Variants in PCDHA4 observed in about 807,000 individuals in gnomAD.
PCDHA4 encodes the protein protocadherin alpha-4.
A neutral mutation model predicts 61.4 loss-of-function variants in PCDHA4; 49 were observed. The observed-to-expected ratio is 0.80, with a 90% CI of 0.63 to 1.01. The LOEUF (loss-of-function observed/expected upper bound fraction) is 1.01. Ranked by LOEUF, PCDHA4 falls within the 50% of genes least tolerant of loss-of-function variation. The probability of loss-of-function intolerance (pLI) is 0.00; values close to 1 mark genes in which losing one functional copy is unlikely to be tolerated. For missense variants in PCDHA4, 1,254 were observed against 1,235.8 expected (o/e 1.01, Z -0.22); for synonymous variants, 590 against 550.3 (o/e 1.07, Z -1.01).
intron 1 of PCDHA4, among the ~76,000 whole-genome samples, chr5:140,906,179 C>G (rs2072430767): frequency 1.3e-5 from 2 of 152,172 alleles, no homozygotes; most frequent in African/African-American, 4.8e-5. Flanking sequence ...TACTTTGCAT[C>G]CTTCAATCCA....
rs2150373759 is a variant in PCDHA4 at position 140,844,778 on chromosome 5, T to C, written c.2385+35206T>C. On this transcript the variant is annotated intron_variant, in intron 1 of 3. Coordinates refer to ENST00000530339, the MANE Select transcript of PCDHA4 (RefSeq NM_018907.4). ...TTTGAAAAATCCAAGATACTTTATT[T>C]TGGTATCTTTCAACATTTTCTTTCT... Among the ~76,000 whole-genome samples the C allele has an allele frequency of 4.0e-5, 6 of 149,392 alleles. 1 individual carries two copies. Among genetic ancestry groups the C allele is most frequent in the African/African-American group, 1.5e-4 (6 of 40,816 alleles).
chr5:140,827,105 A>G (rs2150146400), intron 1 of PCDHA4, among the ~76,000 whole-genome samples: 7 of 152,210 alleles, frequency 4.6e-5, no homozygotes, highest in Non-Finnish European at 1.0e-4. Flanking sequence ...GTCAGCATGT[A>G]TAGGTGAAAG....
intron 3 of PCDHA4, among the ~76,000 whole-genome samples, chr5:140,997,083 A>C (rs1267571178): frequency 2.6e-5 from 4 of 152,174 alleles, no homozygotes; most frequent in Non-Finnish European, 5.9e-5. Flanking sequence ...AGTTGAGTAG[A>C]AAGTGCAGAG....
chr5:140,925,027 C>A (rs1238112043), intron 1 of PCDHA4, among the ~76,000 whole-genome samples: 1 of 151,680 alleles, frequency 6.6e-6, no homozygotes, highest in Non-Finnish European at 1.5e-5. Flanking sequence ...GGGAGGATCG[C>A]TTGAGCCCAG....
chr5:140,829,407 C>G (rs1357066039), intron 1 of PCDHA4: 1 of 1,614,022 alleles, frequency 6.2e-7, no homozygotes, highest in Non-Finnish European at 8.5e-7. Flanking sequence ...TGGGCCACCG[C>G]CAGCTTGTCT....
intron 1 of PCDHA4, chr5:140,849,822 G>A: frequency 6.3e-7 from 1 of 1,598,624 alleles, no homozygotes; most frequent in East Asian, 2.2e-5. Context: ...CAGGGTGTCT[G>A]TGGAGGTGGC....
At chr5:140,876,368 CA>C in intron 1 of PCDHA4, 1 of 1,613,904 alleles carries the variant, frequency 6.2e-7, no homozygotes. Flanking sequence ...AATCCAGACA[CA>C]GGTGAAATTA....
chr5:140,835,695 A>C (rs2150242144), intron 1 of PCDHA4: 1 of 1,613,830 alleles, frequency 6.2e-7, no homozygotes. Flanking sequence ...TCTGTGGGCC[A>C]CTGCTAGCGT....
At chr5:140,925,190 A>G (rs2082378036) in intron 1 of PCDHA4, among the ~76,000 whole-genome samples, 1 of 152,192 alleles carries the variant, frequency 6.6e-6, no homozygotes, top group Non-Finnish European at 1.5e-5. Context: ...ACCATCACCC[A>G]GCTTCAATAA....
chr5:140,952,546 C>T (rs1449369285), intron 1 of PCDHA4, among the ~76,000 whole-genome samples: 1 of 152,108 alleles, frequency 6.6e-6, no homozygotes, highest in African/African-American at 2.4e-5. Flanking sequence ...CTTCTTTGTC[C>T]ATTTCACTAT....
At chr5:140,904,547 T>C (rs1313461939) in intron 1 of PCDHA4, among the ~76,000 whole-genome samples, 1 of 152,116 alleles carries the variant, frequency 6.6e-6, no homozygotes, top group African/African-American at 2.4e-5. Flanking sequence ...ATCTTTTTCA[T>C]ATAATGACTT....
rs114918834 is a variant in PCDHA4, at chr5:140,920,894, T to C, written c.2386-58055T>C. 7.8e-3 allele frequency among the ~76,000 whole-genome samples: 1,179 copies of C among 151,482 alleles called. 6 individuals carry two copies. The highest frequency in any genetic ancestry group is 0.019 in the African/African-American group (771 of 41,278). Reference sequence around the variant, plus strand: ...GTGGCCCTTAGAACTTAAAGTCATATTTTGGTTCTCAAATCAGTTCCAAGA... The same window carrying C: ...GTGGCCCTTAGAACTTAAAGTCATACTTTGGTTCTCAAATCAGTTCCAAGA... On this transcript the variant is annotated intron_variant, in intron 1 of 3. Coordinates refer to ENST00000530339, the MANE Select transcript of PCDHA4 (RefSeq NM_018907.4).
At chr5:140,947,371 A>G (rs1468768080) in intron 1 of PCDHA4, among the ~76,000 whole-genome samples, 1 of 151,626 alleles carries the variant, frequency 6.6e-6, no homozygotes, top group Non-Finnish European at 1.5e-5. Context: ...CCTTTGATCT[A>G]TATGTTTATC....
rs548391443 is a variant in PCDHA4, at chr5:140,892,979, C to T, written c.2385+83407C>T. Among the ~76,000 whole-genome samples, 6 of 152,224 alleles carry T rather than the reference C, an allele frequency of 3.9e-5. No individual in the cohort carries two copies. The South Asian group carries it at 1.2e-3, about 32-fold the overall frequency. On this transcript the variant is annotated intron_variant, in intron 1 of 3. Transcript: ENST00000530339. ...GAGCTCAATAAAATTTTGTAGCTGC[C>T]GTATAAGTGAGAACATGTATTTATT...
Position 140,853,567 on chromosome 5 carries a change from T to C in PCDHA4, c.2385+43995T>C. 2 of 981,210 alleles carry C rather than the reference T, an allele frequency of 2.0e-6. 1 individual carries two copies. The highest frequency in any genetic ancestry group is 3.5e-5 in the African/African-American group (2 of 56,602). The allele number at this position is 981,210 out of a possible 1,614,324, so 60.8% of individuals were successfully genotyped here. A position where few individuals can be genotyped will look rare whatever the true frequency, so the allele number is the denominator to read the frequency against. On this transcript the variant is annotated intron_variant, in intron 1 of 3. Transcript: ENST00000530339. ...TAATTACTATATAGGAAAAACTAAGTTGTCACCCAATATCTTAGACACTTT... is the reference window on the plus strand; with the variant it reads ...TAATTACTATATAGGAAAAACTAAGCTGTCACCCAATATCTTAGACACTTT...
chr5:140,819,603 G>T (rs779566497), intron 1 of PCDHA4, among the ~76,000 whole-genome samples: 1 of 152,060 alleles, frequency 6.6e-6, no homozygotes, highest in Non-Finnish European at 1.5e-5. Flanking sequence ...TTCCTGTGGA[G>T]TCTCCCATGA....
At chr5:140,835,616 C>T in intron 1 of PCDHA4, 1 of 1,613,886 alleles carries the variant, frequency 6.2e-7, no homozygotes, top group East Asian at 2.2e-5. Context: ...TGCTGGACAG[C>T]GCTCTGGACC....
At chr5:140,985,000 C>T (rs1237251178) in intron 3 of PCDHA4, among the ~76,000 whole-genome samples, 5 of 151,948 alleles carry the variant, frequency 3.3e-5, no homozygotes, top group Non-Finnish European at 7.4e-5. Context: ...TCCAGTGGCA[C>T]GATATCGGCT....
At position 140,981,056 on chromosome 5, in the gene PCDHA4, G is replaced by A. The variant is rs571113984; in HGVS notation, c.2445-1419G>A. 1.5e-3 allele frequency among the ~76,000 whole-genome samples: 227 copies of A among 152,276 alleles called. 1 individual carries two copies. Among genetic ancestry groups the A allele is most frequent in the African/African-American group, 5.2e-3 (217 of 41,556 alleles). ...GGGAAAAAAAACAGATAATTCTAGA[G>A]TGTAGACAAGGGGAAGAATAGTAAA... On this transcript the variant is annotated intron_variant, in intron 2 of 3. Transcript: ENST00000530339.
Sources: allele counts gnomAD v4.1 joint callset (sites outside exome capture counted in the v4.1 genomes callset), GRCh38; gene constraint gnomAD v4.1.1; transcripts MANE v1.5; gene names NCBI Gene and HGNC (gene_info 2026-07-23, HGNC 2026-07-21).